The following TCF12 variants were observed in gnomAD, a reference collection of about 807,000 sequenced individuals.
The protein encoded by TCF12 is transcription factor 12.
In TCF12, 45 loss-of-function variants were observed where a neutral mutation model predicts 86.0. The ratio of observed to expected loss-of-function variants is 0.52; its 90% confidence interval spans 0.41 to 0.67. The LOEUF (loss-of-function observed/expected upper bound fraction) is 0.67. Among genes scored for constraint, TCF12 ranks in the 30% least tolerant of loss-of-function variants. The probability of loss-of-function intolerance (pLI) is 0.00; values close to 1 mark genes in which losing one functional copy is unlikely to be tolerated. For missense variants in TCF12, 881 were observed against 859.9 expected, an observed-to-expected ratio of 1.02 and a Z score of -0.31; for synonymous variants, 330 against 299.6, an observed-to-expected ratio of 1.10 and a Z score of -1.05.
intron 8 of TCF12, among the ~76,000 whole-genome samples, chr15:57,215,689 C>G (rs2058304382): frequency 6.6e-6 from 1 of 152,094 alleles, no homozygotes; most frequent in African/African-American, 2.4e-5. Flanking sequence ...TTAACTAATT[C>G]AAGATACATA....
intron 4 of TCF12, among the ~76,000 whole-genome samples, chr15:57,086,099 A>G (rs1381169223): frequency 6.6e-6 from 1 of 151,966 alleles, no homozygotes; most frequent in African/African-American, 2.4e-5. Context: ...AGCACCTGCT[A>G]TGTATGTGGC....
rs542066036 is a variant in TCF12 at position 56,952,621 on chromosome 15, GT to G, written c.148+31526del. On this transcript the variant is annotated intron_variant, in intron 3 of 20. Transcript: ENST00000333725. ...AACATATATTGTCAGATATATCTCT[GT>G]TTCATACTTGATACTGTTATATATG... Among the ~76,000 whole-genome samples, 137 of 151,936 alleles carry G rather than the reference GT, an allele frequency of 9.0e-4. 1 individual carries two copies. Among genetic ancestry groups the G allele is most frequent in the African/African-American group, 3.0e-3 (126 of 41,478 alleles).
chr15:57,254,857 CAAAAAA>C (rs777934020), intron 16 of TCF12, among the ~76,000 whole-genome samples: 1 of 102,600 alleles, frequency 9.7e-6, no homozygotes, highest in Non-Finnish European at 1.8e-5. Context: ...GACCCTGTCT[CAAAAAA>C]AAAAAAAAAA....
chr15:57,285,469 T>TG (rs1205384091), intron 20 of TCF12, among the ~76,000 whole-genome samples: 1 of 152,214 alleles, frequency 6.6e-6, no homozygotes, highest in Non-Finnish European at 1.5e-5. Flanking sequence ...AAACATTTGT[T>TG]GAGGACCTAC....
chr15:57,215,381 A>T (rs12904321), intron 8 of TCF12, among the ~76,000 whole-genome samples: 58,636 of 151,806 alleles, frequency 0.39, 14,125 homozygotes, highest in Non-Finnish European at 0.53. Flanking sequence ...CCTCACCCCT[A>T]CCTCCCTTGC....
intron 3 of TCF12, among the ~76,000 whole-genome samples, chr15:57,060,511 T>A (rs1397111796): frequency 1.3e-5 from 2 of 152,198 alleles, no homozygotes; most frequent in Non-Finnish European, 2.9e-5. Context: ...TATTAGAAAG[T>A]CAAATAAGGC....
Position 57,273,187 on chromosome 15 carries a change from G to A in TCF12, c.1903G>A (p.Glu635Lys). 1 of 1,614,180 alleles carries A rather than the reference G, an allele frequency of 6.2e-7. No individual in the cohort carries two copies. Among genetic ancestry groups the A allele is most frequent in the Non-Finnish European group, 8.5e-7 (1 of 1,180,032 alleles). Residue 635 changes from glutamate to lysine, a missense_variant, in exon 19 of 21, where the codon GAA becomes AAA. Coordinates refer to ENST00000333725, the MANE Select transcript of TCF12 (RefSeq NM_207037.2). ...GRMCQLHLKS[E>K]KPQTKLLILH... ...AATGTGTCAGCTTCACTTGAAGAGT[G>A]AAAAACCCCAAACAAAACTCCTTAT... is the stretch of plus-strand genomic sequence containing the variant.
At chr15:57,056,231 C>T (rs1261145365) in intron 3 of TCF12, among the ~76,000 whole-genome samples, 1 of 151,738 alleles carries the variant, frequency 6.6e-6, no homozygotes, top group African/African-American at 2.4e-5. Flanking sequence ...ACCTCTGCCT[C>T]CTGGGTTCAA....
At chr15:57,135,179 G>T (rs527442930) in intron 5 of TCF12, among the ~76,000 whole-genome samples, 5 of 152,196 alleles carry the variant, frequency 3.3e-5, no homozygotes, top group Non-Finnish European at 7.4e-5. Flanking sequence ...TTCTGGTTGG[G>T]GATCACAGGT....
chr15:57,181,198 TTAA>T (rs1297254086), intron 6 of TCF12, among the ~76,000 whole-genome samples: 1 of 152,136 alleles, frequency 6.6e-6, no homozygotes, highest in Non-Finnish European at 1.5e-5. Flanking sequence ...GCCAAGCCAC[TTAA>T]TAAAACCCAG....
chr15:57,170,737 A>AG (rs1567559372), intron 6 of TCF12, among the ~76,000 whole-genome samples: 1 of 24,846 alleles, frequency 4.0e-5, no homozygotes, highest in Non-Finnish European at 9.4e-5. Flanking sequence ...TATTATATAT[A>AG]ATATATATTA....
At chr15:56,926,784 T>C (rs2060034593) in intron 3 of TCF12, among the ~76,000 whole-genome samples, 1 of 152,252 alleles carries the variant, frequency 6.6e-6, no homozygotes, top group Admixed American at 6.5e-5. Context: ...ACTTGTCTGC[T>C]TCTGTTTCTT....
intron 19 of TCF12, among the ~76,000 whole-genome samples, chr15:57,274,222 C>T (rs1329201377): frequency 1.5e-5 from 1 of 67,546 alleles, no homozygotes; most frequent in African/African-American, 4.7e-5. Context: ...GCCATGGAGC[C>T]TCAGCATTAG....
chr15:57,004,776 G>A lies in TCF12; in HGVS notation c.149-58974G>A, dbSNP rs551696457. Among the ~76,000 whole-genome samples, 105 of 151,846 alleles carry A rather than the reference G, an allele frequency of 6.9e-4. 1 individual carries two copies. Among genetic ancestry groups the A allele is most frequent in the Non-Finnish European group, 1.2e-3 (82 of 67,924 alleles). On this transcript the variant is annotated intron_variant, in intron 3 of 20. Coordinates refer to ENST00000333725, the MANE Select transcript of TCF12 (RefSeq NM_207037.2). ...TCACCATGTTCATCCGTCTGGTCTCGAACTCCTGACCTCAAGTGATCTGCC... is the reference window on the plus strand; with the variant it reads ...TCACCATGTTCATCCGTCTGGTCTCAAACTCCTGACCTCAAGTGATCTGCC...
intron 19 of TCF12, among the ~76,000 whole-genome samples, chr15:57,275,363 T>TGTGTGTGTGTGTGTGTGTGTGTAC (rs1251014250): frequency 1.2e-4 from 17 of 147,352 alleles, no homozygotes; most frequent in Non-Finnish European, 2.2e-4. Flanking sequence ...TGTGTGTGTG[T>TGTGTGTGTGTGTGTGTGTGTGTAC]ACGTATGTAG....
intron 8 of TCF12, among the ~76,000 whole-genome samples, chr15:57,198,788 G>A (rs2057394452): frequency 6.6e-6 from 1 of 152,146 alleles, no homozygotes; most frequent in Non-Finnish European, 1.5e-5. Flanking sequence ...GGTGCCGCCA[G>A]ATGAGTCAGC....
chr15:57,087,999 T>C (rs2048757111), intron 4 of TCF12, among the ~76,000 whole-genome samples: 1 of 152,234 alleles, frequency 6.6e-6, no homozygotes, highest in African/African-American at 2.4e-5. Context: ...ATTAGCATAG[T>C]AACTTTCTAT....
chr15:57,165,398 T>C (rs1380031703), intron 5 of TCF12, among the ~76,000 whole-genome samples: 1 of 152,140 alleles, frequency 6.6e-6, no homozygotes, highest in Non-Finnish European at 1.5e-5. Context: ...TTTAAATATA[T>C]TAAATGCAAA....
intron 3 of TCF12, among the ~76,000 whole-genome samples, chr15:56,951,155 A>G (rs1006282423): frequency 8.5e-5 from 13 of 152,142 alleles, no homozygotes; most frequent in African/African-American, 2.2e-4. Context: ...ATCATTTTAC[A>G]TTCCCACTTA....
Sources: allele counts gnomAD v4.1 joint callset (sites outside exome capture counted in the v4.1 genomes callset), GRCh38; gene constraint gnomAD v4.1.1; transcripts MANE v1.5; gene names NCBI Gene and HGNC (gene_info 2026-07-23, HGNC 2026-07-21).